Variants in EFCAB13 observed in about 807,000 individuals in gnomAD.
EFCAB13 encodes the protein EF-hand calcium-binding domain-containing protein 13.
In EFCAB13, 91 loss-of-function variants were observed where a neutral mutation model predicts 110.2. That is an observed-to-expected ratio of 0.83 (90% confidence interval 0.70 to 0.98). EFCAB13 has a LOEUF of 0.98. Ranked by LOEUF, EFCAB13 falls within the 50% of genes least tolerant of loss-of-function variation. The probability of loss-of-function intolerance (pLI) is 0.00; values close to 1 mark genes in which losing one functional copy is unlikely to be tolerated. For synonymous variants in EFCAB13, 323 were observed against 369.9 expected (o/e 0.87, Z 1.45); for missense variants, 968 against 1,119.4 (o/e 0.86, Z 1.93).
At position 47,366,755 on chromosome 17, in the gene EFCAB13, G is replaced by A. The variant is rs189935786; in HGVS notation, c.806-3682G>A. 2.6e-5 allele frequency among the ~76,000 whole-genome samples: 4 copies of A among 152,266 alleles called. No individual in the cohort carries two copies. In the East Asian group the frequency reaches 7.7e-4, roughly 29 times the overall value. ...TTGGCCACTAGGGACTATTTAAGTA[G>A]GTAATATTTGTTTGGGAGTTTCATA... On this transcript the variant is annotated intron_variant, in intron 10 of 24. Transcript: ENST00000331493.
At chr17:47,423,335 T>C (rs988362289) in intron 23 of EFCAB13, 2 of 153,306 alleles carry the variant, frequency 1.3e-5, no homozygotes, top group Admixed American at 6.5e-5. Context: ...ATTAAGATAT[T>C]TCAGATAAAA....
At chr17:47,407,813 T>C (rs572194909) in intron 20 of EFCAB13, among the ~76,000 whole-genome samples, 1 of 152,322 alleles carries the variant, frequency 6.6e-6, no homozygotes, top group East Asian at 1.9e-4. Flanking sequence ...GTCCAAATGT[T>C]TGATATTACT....
At chr17:47,397,135 C>A (rs2065743800) in intron 17 of EFCAB13, among the ~76,000 whole-genome samples, 1 of 151,604 alleles carries the variant, frequency 6.6e-6, no homozygotes, top group African/African-American at 2.4e-5. Context: ...CCTCAGCCTG[C>A]CAAGTGCCTG....
rs367806543 is a variant in EFCAB13, at chr17:47,341,947, G to A, written c.218G>A (p.Gly73Glu). 4 of 1,587,790 alleles carry A rather than the reference G, an allele frequency of 2.5e-6. No homozygotes were observed. The highest frequency in any genetic ancestry group is 2.6e-6 in the Non-Finnish European group (3 of 1,165,198). The change falls in exon 6 of 25, where the codon GGA becomes GAA. Residue 73 changes from glycine (G) to glutamate (E), a missense_variant. Transcript: ENST00000331493. ...KIFETSIIFC[G>E]EEKSSDFSGE... Reference sequence around the variant, plus strand: ...TTTGAAACATCAATAATCTTTTGTGGAGAAGAAAAGTCCTCTGATTTTTCA... The same window carrying A: ...TTTGAAACATCAATAATCTTTTGTGAAGAAGAAAAGTCCTCTGATTTTTCA...
At chr17:47,430,901 C>G (rs1454573335) in intron 24 of EFCAB13, among the ~76,000 whole-genome samples, 1 of 151,998 alleles carries the variant, frequency 6.6e-6, no homozygotes, top group East Asian at 1.9e-4. Context: ...ACTATAATGT[C>G]TATACTTGAT....
intron 14 of EFCAB13, among the ~76,000 whole-genome samples, chr17:47,380,765 C>T (rs1793223372): frequency 6.6e-6 from 1 of 151,972 alleles, no homozygotes; most frequent in Admixed American, 6.6e-5. Context: ...TTTTAATGAT[C>T]GCCATTCTAA....
intron 9 of EFCAB13, among the ~76,000 whole-genome samples, chr17:47,353,786 T>C (rs2065466084): frequency 6.6e-6 from 1 of 152,228 alleles, no homozygotes. Context: ...TTTTTGGCAT[T>C]TTGATAGACT....
chr17:47,337,641 T>C (rs57711420), intron 5 of EFCAB13, among the ~76,000 whole-genome samples: 7,583 of 152,096 alleles, frequency 0.05, 250 homozygotes, highest in East Asian at 0.11. Flanking sequence ...TTAATATAAG[T>C]AGAGAGTTTG....
chr17:47,424,265 C>T (rs1413601471), intron 23 of EFCAB13, among the ~76,000 whole-genome samples: 1 of 152,142 alleles, frequency 6.6e-6, no homozygotes, highest in Non-Finnish European at 1.5e-5. Flanking sequence ...CCTTGGACGC[C>T]GGGGAAGAGG....
At chr17:47,381,322 T>TA (rs1290196631) in intron 14 of EFCAB13, among the ~76,000 whole-genome samples, 1 of 152,168 alleles carries the variant, frequency 6.6e-6, no homozygotes, top group Non-Finnish European at 1.5e-5. Flanking sequence ...ACTCTGATGA[T>TA]AGTTTCTTTT....
At chr17:47,414,790 C>A in intron 22 of EFCAB13, 58 bp from the exon 23 acceptor site, 2 of 1,125,086 alleles carry the variant, frequency 1.8e-6, no homozygotes, top group Non-Finnish European at 2.6e-6. Flanking sequence ...GTCTTTATTT[C>A]ATGTGCCAAT....
chr17:47,412,775 A>G lies in EFCAB13; in HGVS notation c.2281A>G (p.Ile761Val). 1 of 1,612,926 alleles carries G rather than the reference A, an allele frequency of 6.2e-7. No individual in the cohort carries two copies. The highest frequency in any genetic ancestry group is 8.5e-7 in the Non-Finnish European group (1 of 1,179,542). ...CTTGTGTACATTTATCTTTGTAGAG[A>G]TTAAAGAAGCTGCTAACATCTTGTC... Reference protein sequence around the residue: ...SNLKLPKVNEIKEAANILSHV... With the variant: ...SNLKLPKVNEVKEAANILSHV... The change falls in exon 22 of 25, where the codon ATT becomes GTT. Residue 761 changes from isoleucine (I) to valine (V), a missense_variant and splice_region_variant. Physicochemically the swap from Ile to Val is conservative, Grantham distance 29 (BLOSUM62 3). Coordinates refer to ENST00000331493, the MANE Select transcript of EFCAB13 (RefSeq NM_152347.5).
chr17:47,385,280 T>C (rs1433783538), intron 14 of EFCAB13, among the ~76,000 whole-genome samples: 1 of 152,166 alleles, frequency 6.6e-6, no homozygotes, highest in Non-Finnish European at 1.5e-5. Flanking sequence ...TCAGGGACCC[T>C]AATCAATCGT....
At position 47,398,474 on chromosome 17, in the gene EFCAB13, G is replaced by C. The variant is rs181048977; in HGVS notation, c.1945+2497G>C. Reference sequence around the variant, plus strand: ...ATCGGATGGTTGCCGTGTCTGTGTAGAAAGAGGTAGACATGGGAGACTTTT... The same window carrying C: ...ATCGGATGGTTGCCGTGTCTGTGTACAAAGAGGTAGACATGGGAGACTTTT... On this transcript the variant is annotated intron_variant, in intron 17 of 24. Coordinates refer to ENST00000331493, the MANE Select transcript of EFCAB13 (RefSeq NM_152347.5). Among the ~76,000 whole-genome samples, 578 of 151,502 alleles carry C rather than the reference G, an allele frequency of 3.8e-3. 10 individuals are homozygous for C. In the East Asian group the frequency reaches 0.061, roughly 16 times the overall value.
chr17:47,351,292 T>TGTGA (rs1370396538), intron 9 of EFCAB13, among the ~76,000 whole-genome samples: 2 of 133,734 alleles, frequency 1.5e-5, no homozygotes, highest in South Asian at 5.4e-4. Flanking sequence ...TGTGTGTGTG[T>TGTGA]GTGTGTGTGT....
intron 14 of EFCAB13, among the ~76,000 whole-genome samples, chr17:47,384,926 C>T (rs983015221): frequency 2.6e-5 from 4 of 152,132 alleles, no homozygotes; most frequent in South Asian, 2.1e-4. Flanking sequence ...CCCACCACCA[C>T]GCCTGGCCAA....
At chr17:47,360,457 A>G (rs1439500203) in intron 9 of EFCAB13, among the ~76,000 whole-genome samples, 2 of 152,108 alleles carry the variant, frequency 1.3e-5, no homozygotes, top group Non-Finnish European at 2.9e-5. Flanking sequence ...TCCTTTGCCC[A>G]CTTTTTGATG....
At chr17:47,424,279 A>G (rs1159961438) in intron 23 of EFCAB13, among the ~76,000 whole-genome samples, 2 of 152,160 alleles carry the variant, frequency 1.3e-5, no homozygotes, top group Admixed American at 1.3e-4. Flanking sequence ...GAAGAGGAGA[A>G]GGCACCCGCG....
At chr17:47,399,018 G>T (rs1228393966) in intron 17 of EFCAB13, among the ~76,000 whole-genome samples, 1 of 152,134 alleles carries the variant, frequency 6.6e-6, no homozygotes, top group Non-Finnish European at 1.5e-5. Context: ...CTGCCTCCCG[G>T]TTCAAGCGAT....
Sources: allele counts gnomAD v4.1 joint callset (sites outside exome capture counted in the v4.1 genomes callset), GRCh38; gene constraint gnomAD v4.1.1; transcripts MANE v1.5; gene names NCBI Gene and HGNC (gene_info 2026-07-23, HGNC 2026-07-21).